Variants in PTPRD observed in about 807,000 individuals in gnomAD.
The protein encoded by PTPRD is receptor-type tyrosine-protein phosphatase delta.
Under a neutral mutation model 214.5 loss-of-function variants are expected in PTPRD, and 34 were observed. That is an observed-to-expected ratio of 0.16 (90% CI 0.12 to 0.21). PTPRD has a LOEUF of 0.21. PTPRD is among the 10% of genes least tolerant of loss of function. PTPRD has a pLI of 1.00. For missense variants in PTPRD, 2,545 were observed against 2,398.7 expected (o/e 1.06, Z -1.27); for synonymous variants, 1,128 against 845.7 (o/e 1.33, Z -5.79).
chr9:8,545,410 C>A (rs1224923494), intron 14 of PTPRD, among the ~76,000 whole-genome samples: 1 of 152,112 alleles, frequency 6.6e-6, no homozygotes, highest in Admixed American at 6.5e-5. Context: ...CTGGATTATT[C>A]TTCTAAAAAG....
intron 25 of PTPRD, among the ~76,000 whole-genome samples, chr9:8,498,582 C>T (rs527272329): frequency 6.6e-6 from 1 of 152,348 alleles, no homozygotes; most frequent in Admixed American, 6.5e-5. Context: ...CAACTTGCTT[C>T]ATAACCTTTC....
chr9:8,488,438 CAT>C (rs1166710699), intron 27 of PTPRD, among the ~76,000 whole-genome samples: 4 of 152,172 alleles, frequency 2.6e-5, no homozygotes, highest in East Asian at 1.9e-4. Flanking sequence ...ACATATAAAA[CAT>C]GTGTGTTGTG....
chr9:10,502,961 C>A (rs1378791782), intron 2 of PTPRD, among the ~76,000 whole-genome samples: 4 of 151,978 alleles, frequency 2.6e-5, no homozygotes, highest in Non-Finnish European at 5.9e-5. Flanking sequence ...TGTATTCTTT[C>A]CATTGCATTG....
chr9:9,966,184 A>G (rs2094684928), intron 4 of PTPRD, among the ~76,000 whole-genome samples: 1 of 152,190 alleles, frequency 6.6e-6, no homozygotes, highest in South Asian at 2.1e-4. Context: ...ACACCTGGAC[A>G]GAAACTAAAG....
chr9:8,508,869 A>G (rs1379539758), intron 21 of PTPRD, among the ~76,000 whole-genome samples: 1 of 91,344 alleles, frequency 1.1e-5, no homozygotes. Flanking sequence ...CAGCCTGTGT[A>G]TATATATGTG....
At chr9:9,580,909 G>C (rs2090582236) in intron 7 of PTPRD, among the ~76,000 whole-genome samples, 1 of 151,960 alleles carries the variant, frequency 6.6e-6, no homozygotes, top group Non-Finnish European at 1.5e-5. Context: ...TGAGTTCATT[G>C]TAAATTCTGG....
intron 3 of PTPRD, among the ~76,000 whole-genome samples, chr9:10,102,958 A>G (rs2098573673): frequency 6.6e-6 from 1 of 151,650 alleles, no homozygotes; most frequent in African/African-American, 2.4e-5. Context: ...TCATTCCTTC[A>G]ATATCTCTTC....
In PTPRD at chr9:10,363,879, C is replaced by T. The variant is rs146264929; in HGVS notation, c.-599-22862G>A. Among the ~76,000 whole-genome samples the T allele has an allele frequency of 6.1e-3, 921 of 151,034 alleles. 7 individuals are homozygous for T. Among genetic ancestry groups the T allele is most frequent in the African/African-American group, 0.021 (877 of 41,112 alleles). On this transcript the variant is annotated intron_variant, in intron 2 of 45. Transcript: ENST00000381196. The stretch of plus-strand genomic sequence containing the variant: ...AGTATTTATTTAGCAAATACTGTTA[C>T]GATATTTAATTGCTTCTGGACACTA...
rs75473794 is a variant in PTPRD at position 9,654,631 on chromosome 9, T to A, written c.-286-79850A>T. Among the ~76,000 whole-genome samples, 315 of 152,338 alleles carry A rather than the reference T, an allele frequency of 2.1e-3. 2 individuals are homozygous for A. Among genetic ancestry groups the A allele is most frequent in the African/African-American group, 7.3e-3 (304 of 41,582 alleles). ...GTGAATATTATTTGTAGGAACATTC[T>A]ACATTCCCATGTTTGGTTATCTAAT... On this transcript the variant is annotated intron_variant, in intron 7 of 45. Transcript: ENST00000381196.
chr9:9,688,621 G>A (rs370159785), intron 7 of PTPRD, among the ~76,000 whole-genome samples: 89 of 151,960 alleles, frequency 5.9e-4, no homozygotes, highest in Admixed American at 1.4e-3. Context: ...AGGAAATGAA[G>A]ACAATGAATG....
Position 9,789,750 on chromosome 9 carries a change from T to C in PTPRD, c.-367-22899A>G, listed in dbSNP as rs1461208150. ...AGGCAGAGCTTGCAGTGAGCCGAGA[T>C]TGCGCCACTGCACTCCAGCCTGGGC... On this transcript the variant is annotated intron_variant, in intron 5 of 45. Coordinates refer to ENST00000381196, the MANE Select transcript of PTPRD (RefSeq NM_002839.4). 4.6e-4 allele frequency among the ~76,000 whole-genome samples: 58 copies of C among 125,878 alleles called. 1 individual carries two copies. Among genetic ancestry groups the C allele is most frequent in the Non-Finnish European group, 1.6e-5 (1 of 64,178 alleles). The allele number at this position is 125,878 out of a possible 152,430, so 82.6% of individuals were successfully genotyped here.
intron 33 of PTPRD, among the ~76,000 whole-genome samples, chr9:8,454,080 T>C (rs2096077284): frequency 6.6e-6 from 1 of 152,222 alleles, no homozygotes; most frequent in Admixed American, 6.5e-5. Flanking sequence ...GCTCTTATTA[T>C]TCAAGACTGG....
At chr9:8,467,477 T>C (rs1035558506) in intron 31 of PTPRD, among the ~76,000 whole-genome samples, 4 of 151,880 alleles carry the variant, frequency 2.6e-5, no homozygotes, top group Non-Finnish European at 4.4e-5. Context: ...GTAATAACCC[T>C]ATAAGGATGG....
At chr9:10,248,240 G>A (rs750034204) in intron 3 of PTPRD, among the ~76,000 whole-genome samples, 21 of 152,034 alleles carry the variant, frequency 1.4e-4, no homozygotes, top group Non-Finnish European at 2.1e-4. Context: ...AGTGTCAAGA[G>A]GAGGCTCTCA....
intron 14 of PTPRD, among the ~76,000 whole-genome samples, chr9:8,542,570 T>C (rs2078751324): frequency 6.6e-6 from 1 of 152,198 alleles, no homozygotes; most frequent in Admixed American, 6.5e-5. Context: ...TGGGAAGCAA[T>C]GTCATGTATT....
intron 9 of PTPRD, among the ~76,000 whole-genome samples, chr9:9,267,090 T>A (rs1940205474): frequency 6.6e-6 from 1 of 151,286 alleles, no homozygotes. Context: ...ATGTTTTAAA[T>A]GCTAATTACC....
chr9:8,456,365 C>A (rs73424290), intron 33 of PTPRD, among the ~76,000 whole-genome samples: 1 of 152,086 alleles, frequency 6.6e-6, no homozygotes, highest in South Asian at 2.1e-4. Context: ...ATGAGGCAGG[C>A]ACCCAGAAAG....
intron 2 of PTPRD, among the ~76,000 whole-genome samples, chr9:10,414,149 A>G (rs768793582): frequency 6.6e-6 from 1 of 152,034 alleles, no homozygotes; most frequent in Non-Finnish European, 1.5e-5. Context: ...GAAAGCAACT[A>G]TCAGCAGAGT....
chr9:8,672,992 C>T (rs1044790579), intron 12 of PTPRD, among the ~76,000 whole-genome samples: 2 of 152,056 alleles, frequency 1.3e-5, no homozygotes, highest in South Asian at 2.1e-4. Flanking sequence ...CAGAAACCTC[C>T]TATCCATTTC....
Sources: gnomAD v4.1 joint callset for allele counts (sites outside exome capture counted in the v4.1 genomes callset) on GRCh38, gnomAD v4.1.1 for gene constraint, MANE v1.5 for transcripts, NCBI Gene and HGNC (gene_info 2026-07-23, HGNC 2026-07-21) for gene names.